LHFPL3: variants seen among roughly 807,000 people sequenced by gnomAD.
LHFPL3 encodes LHFPL tetraspan subfamily member 3 protein.
In LHFPL3, 5 loss-of-function variants were observed where a neutral mutation model predicts 19.3. That is an observed-to-expected ratio of 0.26 (90% confidence interval 0.14 to 0.54). The LOEUF (loss-of-function observed/expected upper bound fraction) is 0.54. LHFPL3 is among the 20% of genes least tolerant of loss of function. LHFPL3 has a pLI of 0.94. For synonymous variants in LHFPL3, 133 were observed against 126.2 expected (o/e 1.05, Z -0.36); for missense variants, 249 against 307.4 (o/e 0.81, Z 1.42).
At position 104,772,463 on chromosome 7, in the gene LHFPL3, C is replaced by T. The variant is rs758381347; in HGVS notation, c.682+35552C>T. On this transcript the variant is annotated intron_variant, in intron 2 of 2. Coordinates refer to ENST00000424859, the MANE Select transcript of LHFPL3 (RefSeq NM_199000.3). ...TACGGTGTGCTCAGACAATGGGCTC[C>T]GACTGCCTCCTCCACCAGCCCTACA... Among the ~76,000 whole-genome samples the T allele has an allele frequency of 7.8e-4, 118 of 152,138 alleles. 2 individuals are homozygous for T. The highest frequency in any genetic ancestry group is 2.6e-4 in the Non-Finnish European group (18 of 68,010).
intron 2 of LHFPL3, chr7:104,798,232 T>C (rs1316237957): frequency 6.6e-6 from 1 of 152,194 alleles, no homozygotes; most frequent in Admixed American, 6.5e-5. Context: ...GTCTCTTAAA[T>C]AATCTAGACA....
intron 2 of LHFPL3, among the ~76,000 whole-genome samples, chr7:104,829,255 T>A (rs1296012958): frequency 3.3e-5 from 5 of 151,092 alleles, no homozygotes; most frequent in Admixed American, 2.6e-4. Context: ...TGGGGGCATA[T>A]AAAGGAAGAG....
intron 2 of LHFPL3, among the ~76,000 whole-genome samples, chr7:104,744,352 A>G (rs1794000925): frequency 6.6e-6 from 1 of 152,212 alleles, no homozygotes; most frequent in Admixed American, 6.5e-5. Flanking sequence ...GCCCAGAAAA[A>G]AAAGTATCTT....
chr7:104,370,520 G>C (rs920767640), intron 1 of LHFPL3, among the ~76,000 whole-genome samples: 1 of 152,138 alleles, frequency 6.6e-6, no homozygotes, highest in Non-Finnish European at 1.5e-5. Context: ...CTGGAGGGGT[G>C]GGTTTGAAGC....
At chr7:104,545,352 A>T (rs1584392411) in intron 1 of LHFPL3, among the ~76,000 whole-genome samples, 1 of 152,030 alleles carries the variant, frequency 6.6e-6, no homozygotes, top group Non-Finnish European at 1.5e-5. Flanking sequence ...TCTAATGTCC[A>T]CCCCTGCCAA....
intron 1 of LHFPL3, among the ~76,000 whole-genome samples, chr7:104,592,403 T>A (rs1790743719): frequency 1.4e-5 from 1 of 73,454 alleles, no homozygotes; most frequent in African/African-American, 4.5e-5. Context: ...AGACCCTGTT[T>A]GCCTGGGTAT....
chr7:104,675,083 A>C (rs146439032), intron 1 of LHFPL3, among the ~76,000 whole-genome samples: 1 of 152,366 alleles, frequency 6.6e-6, no homozygotes, highest in East Asian at 1.9e-4. Flanking sequence ...TGTATGTGTC[A>C]GGTGGCGATA....
chr7:104,427,452 C>T (rs1791869278), intron 1 of LHFPL3, among the ~76,000 whole-genome samples: 1 of 152,152 alleles, frequency 6.6e-6, no homozygotes, highest in African/African-American at 2.4e-5. Context: ...TTATCAACTA[C>T]TTGTATAAAA....
At chr7:104,814,702 C>T (rs1231102823) in intron 2 of LHFPL3, among the ~76,000 whole-genome samples, 3 of 152,218 alleles carry the variant, frequency 2.0e-5, no homozygotes, top group African/African-American at 7.2e-5. Context: ...CCTCATCTCA[C>T]CCTCAGCTTT....
intron 1 of LHFPL3, among the ~76,000 whole-genome samples, chr7:104,378,139 GTGTA>G (rs1406468127): frequency 1.4e-4 from 22 of 152,176 alleles, no homozygotes; most frequent in Admixed American, 1.4e-3. Flanking sequence ...TACCTAGTAG[GTGTA>G]TGTATTTATG....
At chr7:104,451,794 G>C (rs931766889) in intron 1 of LHFPL3, among the ~76,000 whole-genome samples, 3 of 151,962 alleles carry the variant, frequency 2.0e-5, no homozygotes, top group Admixed American at 6.6e-5. Flanking sequence ...GCTCAGGCTG[G>C]AGTGCAGTGG....
At chr7:104,580,002 T>C (rs1040228515) in intron 1 of LHFPL3, among the ~76,000 whole-genome samples, 2 of 152,194 alleles carry the variant, frequency 1.3e-5, no homozygotes, top group African/African-American at 4.8e-5. Context: ...CTTACTCAAA[T>C]TGTTAACTAT....
intron 1 of LHFPL3, among the ~76,000 whole-genome samples, chr7:104,583,506 C>T (rs889997508): frequency 6.6e-6 from 1 of 152,078 alleles, no homozygotes; most frequent in Non-Finnish European, 1.5e-5. Flanking sequence ...AAGAAAGTAC[C>T]ATCAGAGTAA....
intron 1 of LHFPL3, among the ~76,000 whole-genome samples, chr7:104,515,923 C>A (rs1793911147): frequency 6.6e-6 from 1 of 152,072 alleles, no homozygotes; most frequent in South Asian, 2.1e-4. Context: ...CAAAACTGTT[C>A]CAACCTCTTC....
chr7:104,460,889 C>G (rs1792649408), intron 1 of LHFPL3, among the ~76,000 whole-genome samples: 1 of 152,128 alleles, frequency 6.6e-6, no homozygotes, highest in Non-Finnish European at 1.5e-5. Context: ...GTGATTGCTT[C>G]TGGCATCTTT....
At chr7:104,544,311 A>T (rs540933358) in intron 1 of LHFPL3, among the ~76,000 whole-genome samples, 2 of 152,294 alleles carry the variant, frequency 1.3e-5, no homozygotes, top group South Asian at 2.1e-4. Context: ...TTTGGGGGAA[A>T]ATCTGTATGG....
chr7:104,713,019 T>C (rs1223482361), intron 1 of LHFPL3, among the ~76,000 whole-genome samples: 1 of 152,196 alleles, frequency 6.6e-6, no homozygotes, highest in Non-Finnish European at 1.5e-5. Context: ...TCCTCTTCTT[T>C]TTATTCCCTC....
At chr7:104,344,588 A>T (rs911487279) in intron 1 of LHFPL3, among the ~76,000 whole-genome samples, 2 of 152,190 alleles carry the variant, frequency 1.3e-5, no homozygotes, top group Non-Finnish European at 2.9e-5. Flanking sequence ...TGCAAAAGAC[A>T]TTATTTCATT....
chr7:104,452,291 A>T (rs1463892938), intron 1 of LHFPL3, among the ~76,000 whole-genome samples: 2 of 152,202 alleles, frequency 1.3e-5, no homozygotes, highest in Non-Finnish European at 2.9e-5. Flanking sequence ...CTGTATATGT[A>T]TATGGATGAA....
Sources: gnomAD v4.1 joint callset for allele counts (sites outside exome capture counted in the v4.1 genomes callset) on GRCh38, gnomAD v4.1.1 for gene constraint, MANE v1.5 for transcripts, NCBI Gene and HGNC (gene_info 2026-07-23, HGNC 2026-07-21) for gene names.